TAFA5: variants seen among roughly 807,000 people sequenced by gnomAD.
TAFA5 encodes TAFA chemokine like family member 5.
Under a neutral mutation model 15.3 loss-of-function variants are expected in TAFA5, and 6 were observed. The ratio of observed to expected loss-of-function variants is 0.39; its 90% CI spans 0.21 to 0.77. The LOEUF (loss-of-function observed/expected upper bound fraction) is 0.77, where lower values mean the gene tolerates loss of function less well. Ranked by LOEUF, TAFA5 falls within the 30% of genes least tolerant of loss-of-function variation. The probability of loss-of-function intolerance (pLI) is 0.41; values close to 1 mark genes in which losing one functional copy is unlikely to be tolerated. For missense variants in TAFA5, 161 were observed against 193.1 expected, an observed-to-expected ratio of 0.83 and a Z score of 0.98; for synonymous variants, 103 against 80.7, an observed-to-expected ratio of 1.28 and a Z score of -1.48.
intron 1 of TAFA5, among the ~76,000 whole-genome samples, chr22:48,574,934 C>T (rs976080471): frequency 6.6e-6 from 1 of 152,200 alleles, no homozygotes; most frequent in African/African-American, 2.4e-5. Context: ...TGGAACGGAA[C>T]GTGGGCATTA....
chr22:48,578,927 C>T (rs979191979), intron 1 of TAFA5, among the ~76,000 whole-genome samples: 7 of 152,198 alleles, frequency 4.6e-5, no homozygotes, highest in South Asian at 2.1e-4. Flanking sequence ...TCCCAGCAGC[C>T]GCTGTCCAGC....
chr22:48,717,097 C>T lies in TAFA5; in HGVS notation c.390+9253C>T, dbSNP rs185594267. Reference sequence around the variant, plus strand: ...CCCAGAAAATGAATGAATACAGTCGCATCCTAAAGCATGCCAGCATGAAAT... The same window carrying T: ...CCCAGAAAATGAATGAATACAGTCGTATCCTAAAGCATGCCAGCATGAAAT... On this transcript the variant is annotated intron_variant, in intron 3 of 3. Coordinates refer to ENST00000402357, the MANE Select transcript of TAFA5 (RefSeq NM_001082967.3). 7.9e-5 allele frequency among the ~76,000 whole-genome samples: 12 copies of T among 152,324 alleles called. No homozygotes were observed. The East Asian group carries it at 2.3e-3, about 29-fold the overall frequency.
chr22:48,657,882 G>T (rs5771902), intron 2 of TAFA5, among the ~76,000 whole-genome samples: 1 of 151,966 alleles, frequency 6.6e-6, no homozygotes, highest in Non-Finnish European at 1.5e-5. Flanking sequence ...GGACGCTGCC[G>T]CTCTTGAACC....
At chr22:48,635,249 G>A (rs534104474) in intron 1 of TAFA5, among the ~76,000 whole-genome samples, 10 of 152,328 alleles carry the variant, frequency 6.6e-5, no homozygotes, top group African/African-American at 1.7e-4. Flanking sequence ...ACGTGTGCTC[G>A]GGCAGCACAG....
intron 1 of TAFA5, among the ~76,000 whole-genome samples, chr22:48,582,702 C>T (rs1924113973): frequency 1.3e-5 from 2 of 150,010 alleles, no homozygotes; most frequent in African/African-American, 4.9e-5. Flanking sequence ...ACACCACACA[C>T]AAAATACACC....
intron 1 of TAFA5, among the ~76,000 whole-genome samples, chr22:48,542,344 GGT>G (rs201233339): frequency 0.022 from 2,846 of 132,252 alleles, 163 homozygotes; most frequent in East Asian, 0.21. Flanking sequence ...GTGTGTGTGT[GGT>G]GTGTGTGCAT....
chr22:48,514,500 C>T (rs187278143), intron 1 of TAFA5, among the ~76,000 whole-genome samples: 12 of 152,318 alleles, frequency 7.9e-5, no homozygotes, highest in Middle Eastern at 3.4e-3. Flanking sequence ...GAGGTGGCCG[C>T]GGCTCCTGGC....
At position 48,490,778 on chromosome 22, in the gene TAFA5, C is replaced by CA. The variant is rs377764643; in HGVS notation, c.112+1090dup. 5.3e-3 allele frequency among the ~76,000 whole-genome samples: 439 copies of CA among 83,480 alleles called. 7 individuals are homozygous for CA. Among genetic ancestry groups the CA allele is most frequent in the African/African-American group, 0.012 (256 of 21,414 alleles). The allele number at this position is 83,480 out of a possible 152,430, so 54.8% of individuals were successfully genotyped here. On this transcript the variant is annotated intron_variant, in intron 1 of 3. Coordinates refer to ENST00000402357, the MANE Select transcript of TAFA5 (RefSeq NM_001082967.3). The surrounding 1 kb of genome is among the most constrained non-coding windows in gnomAD (Gnocchi z 5.8). ...GTGATGGAAAAATATGGATTCTTTACAAAAAAAAAAAAAAAAGGCCAGCAC... is the reference window on the plus strand; with the variant it reads ...GTGATGGAAAAATATGGATTCTTTACAAAAAAAAAAAAAAAAAGGCCAGCAC...
chr22:48,682,771 G>A (rs370164674), intron 2 of TAFA5, among the ~76,000 whole-genome samples: 1 of 152,180 alleles, frequency 6.6e-6, no homozygotes, highest in African/African-American at 2.4e-5. Context: ...TTTGCTTTGC[G>A]GGTGATCTGT....
Position 48,616,485 on chromosome 22 carries a change from C to G in TAFA5, c.113-30112C>G, listed in dbSNP as rs544000310. On this transcript the variant is annotated intron_variant, in intron 1 of 3. Transcript: ENST00000402357. ...CAGTCACCTGGGAGCATCTCTAATGCGTCACCCGCCCATGCACTCGGGATG... is the reference window on the plus strand; with the variant it reads ...CAGTCACCTGGGAGCATCTCTAATGGGTCACCCGCCCATGCACTCGGGATG... 9.9e-5 allele frequency among the ~76,000 whole-genome samples: 15 copies of G among 152,282 alleles called. No homozygotes were observed. In the South Asian group the frequency reaches 2.7e-3, roughly 27 times the overall value.
intron 1 of TAFA5, among the ~76,000 whole-genome samples, chr22:48,583,122 TCACACGCCACACACACAC>T (rs1569034652): frequency 1.9e-5 from 1 of 51,666 alleles, no homozygotes; most frequent in Non-Finnish European, 4.0e-5. Context: ...CACACACACA[TCACACGCCACACACACAC>T]CACACACCAC....
At chr22:48,549,602 G>C (rs1922791788) in intron 1 of TAFA5, among the ~76,000 whole-genome samples, 1 of 152,178 alleles carries the variant, frequency 6.6e-6, no homozygotes, top group African/African-American at 2.4e-5. Flanking sequence ...CCTCCCAAGG[G>C]ACCACCTGCT....
intron 2 of TAFA5, among the ~76,000 whole-genome samples, chr22:48,674,158 G>A (rs764869554): frequency 8.5e-5 from 13 of 152,166 alleles, no homozygotes; most frequent in South Asian, 4.1e-4. Flanking sequence ...TGGGCCGGGC[G>A]GTGCAGATGT....
chr22:48,591,841 C>T (rs907876064), intron 1 of TAFA5, among the ~76,000 whole-genome samples: 2 of 152,310 alleles, frequency 1.3e-5, no homozygotes, highest in Non-Finnish European at 2.9e-5. Context: ...CAGCCCCTCC[C>T]GACCTCCCCC....
chr22:48,671,357 G>A (rs1410830998), intron 2 of TAFA5, among the ~76,000 whole-genome samples: 1 of 152,226 alleles, frequency 6.6e-6, no homozygotes, highest in African/African-American at 2.4e-5. Flanking sequence ...TCTCTGCTCA[G>A]GGCATTTCTG....
chr22:48,645,412 G>A (rs768929548), intron 1 of TAFA5, among the ~76,000 whole-genome samples: 5 of 152,112 alleles, frequency 3.3e-5, no homozygotes, highest in Admixed American at 1.3e-4. Flanking sequence ...TCATCTTCCC[G>A]CACCTGAGAT....
At chr22:48,620,618 A>ACCCACCATCCCCCATCCTATCCACCCC (rs1925769832) in intron 1 of TAFA5, among the ~76,000 whole-genome samples, 3 of 60,806 alleles carry the variant, frequency 4.9e-5, no homozygotes, top group African/African-American at 6.9e-5. Context: ...CTATCCACCC[A>ACCCACCATCCCCCATCCTATCCACCCC]CCCACCATCC....
chr22:48,508,589 G>C (rs1006003208), intron 1 of TAFA5, among the ~76,000 whole-genome samples: 3 of 152,200 alleles, frequency 2.0e-5, no homozygotes, highest in Non-Finnish European at 4.4e-5. Context: ...GGTGCCTGTT[G>C]CATCCTCATG....
intron 3 of TAFA5, among the ~76,000 whole-genome samples, chr22:48,730,385 C>CAA (rs130204): frequency 8.2e-4 from 120 of 147,206 alleles, no homozygotes; most frequent in Admixed American, 1.4e-3. Flanking sequence ...GACTGTGTCT[C>CAA]AAAAAAAAAA....
Sources: gnomAD v4.1 joint callset for allele counts (sites outside exome capture counted in the v4.1 genomes callset) on GRCh38, gnomAD v4.1.1 for gene constraint, Gnocchi (gnomAD v3.1) non-coding constraint, MANE v1.5 for transcripts, NCBI Gene and HGNC (gene_info 2026-07-23, HGNC 2026-07-21) for gene names.